AXDND1: variants seen among roughly 807,000 people sequenced by gnomAD.
AXDND1 encodes axonemal dynein light chain domain-containing protein 1.
A neutral mutation model predicts 137.5 loss-of-function variants in AXDND1; 110 were observed. The ratio of observed to expected loss-of-function variants is 0.80; its 90% CI spans 0.69 to 0.94. AXDND1 has a LOEUF of 0.94. Among genes scored for constraint, AXDND1 ranks in the 40% least tolerant of loss-of-function variants. The pLI, the probability that AXDND1 is intolerant of heterozygous loss-of-function variation, is 0.00. For missense variants in AXDND1, 1,191 were observed against 1,169.8 expected (o/e 1.02, Z -0.26); for synonymous variants, 414 against 399.7 (o/e 1.04, Z -0.43).
chr1:179,395,487 T>C (rs546408476), intron 11 of AXDND1, among the ~76,000 whole-genome samples: 13 of 152,290 alleles, frequency 8.5e-5, no homozygotes, highest in Non-Finnish European at 2.9e-5. Context: ...AAAGAAACAG[T>C]GAGCATAGAT....
At chr1:179,506,362 CA>C (rs1268486903) in intron 20 of AXDND1, among the ~76,000 whole-genome samples, 1 of 152,100 alleles carries the variant, frequency 6.6e-6, no homozygotes, top group Non-Finnish European at 1.5e-5. Context: ...GGAAATATAC[CA>C]AATAAATACC....
At chr1:179,487,912 C>G (rs566224795) in intron 18 of AXDND1, among the ~76,000 whole-genome samples, 1 of 142,676 alleles carries the variant, frequency 7.0e-6, no homozygotes, top group South Asian at 2.1e-4. Flanking sequence ...GAGAGGATCT[C>G]TTGTGCCTGG....
At chr1:179,540,621 G>T (rs1316992676) in intron 25 of AXDND1, among the ~76,000 whole-genome samples, 1 of 152,194 alleles carries the variant, frequency 6.6e-6, no homozygotes, top group African/African-American at 2.4e-5. Context: ...TGTATGAGGT[G>T]TCTGTCGGCC....
intron 16 of AXDND1, among the ~76,000 whole-genome samples, chr1:179,460,491 A>G (rs557138980): frequency 3.6e-4 from 55 of 152,282 alleles, no homozygotes; most frequent in African/African-American, 1.0e-3. Context: ...GCTATTGTGA[A>G]TAGTGCCACA....
chr1:179,495,439 G>A (rs1194561322), intron 20 of AXDND1, among the ~76,000 whole-genome samples: 1 of 151,842 alleles, frequency 6.6e-6, no homozygotes, highest in East Asian at 1.9e-4. Context: ...TCATATTTTG[G>A]TGCTACTATA....
intron 12 of AXDND1, among the ~76,000 whole-genome samples, chr1:179,426,037 A>G (rs557151670): frequency 5.9e-5 from 9 of 152,068 alleles, no homozygotes; most frequent in African/African-American, 2.2e-4. Flanking sequence ...GGGTTTTACC[A>G]TGTTGGTCAG....
chr1:179,380,140 T>G (rs1434453903), intron 6 of AXDND1, among the ~76,000 whole-genome samples: 1 of 151,756 alleles, frequency 6.6e-6, no homozygotes, highest in African/African-American at 2.4e-5. Context: ...TCCCAGCTGC[T>G]TGGGAGGCTG....
chr1:179,521,918 TTC>T (rs1476512051), intron 21 of AXDND1, among the ~76,000 whole-genome samples: 2 of 152,136 alleles, frequency 1.3e-5, no homozygotes, highest in East Asian at 3.8e-4. Flanking sequence ...AATTCATCTC[TTC>T]TCTCTATTTT....
chr1:179,456,524 C>A, intron 16 of AXDND1: 1 of 774,754 alleles, frequency 1.3e-6, no homozygotes, highest in African/African-American at 1.7e-5. Flanking sequence ...TTCCATAACC[C>A]TGTCCAACAC....
intron 16 of AXDND1, among the ~76,000 whole-genome samples, chr1:179,457,569 A>T (rs1558207825): frequency 6.6e-6 from 1 of 152,230 alleles, no homozygotes. Flanking sequence ...AAATCTCACA[A>T]GACATTATTA....
At position 179,552,225 on chromosome 1, in the gene AXDND1, G is replaced by A. The variant is rs1294075077; in HGVS notation, c.3032-2287G>A. 4 of 271,072 alleles carry A rather than the reference G, an allele frequency of 1.5e-5. No individual in the cohort carries two copies. In the East Asian group the frequency reaches 3.5e-4, roughly 23 times the overall value. The allele number at this position is 271,072 out of a possible 1,614,324, so 16.8% of individuals were successfully genotyped here. ...GATCGTGGTTGTCCCTCTAAAACTT[G>A]TGCCAAGCTTGGGATACAGTTCTAG... On this transcript the variant is annotated intron_variant, in intron 25 of 25. Coordinates refer to ENST00000367618, the MANE Select transcript of AXDND1 (RefSeq NM_144696.6).
chr1:179,460,795 T>C (rs1662209739), intron 16 of AXDND1, among the ~76,000 whole-genome samples: 1 of 152,246 alleles, frequency 6.6e-6, no homozygotes, highest in African/African-American at 2.4e-5. Flanking sequence ...ATTTCTCTGA[T>C]GACCACTGAT....
intron 17 of AXDND1, among the ~76,000 whole-genome samples, chr1:179,473,225 TC>T (rs1664178726): frequency 6.6e-6 from 1 of 152,032 alleles, no homozygotes; most frequent in East Asian, 1.9e-4. Context: ...AGAATTAGCT[TC>T]AGGTCATGCC....
chr1:179,522,859 A>G (rs1450887786), intron 21 of AXDND1, among the ~76,000 whole-genome samples: 2 of 148,018 alleles, frequency 1.4e-5, no homozygotes, highest in South Asian at 2.2e-4. Flanking sequence ...CTATTTTTCT[A>G]TACTGTACAC....
intron 16 of AXDND1, chr1:179,455,593 C>CAAAAAAAAAAAAAAA (rs57868830): frequency 1.2e-5 from 1 of 83,880 alleles, no homozygotes; most frequent in Non-Finnish European, 2.4e-5. Flanking sequence ...GACTCCGTCT[C>CAAAAAAAAAAAAAAA]AAAAAAAAAA....
chr1:179,447,594 T>TA, intron 16 of AXDND1: 1 of 1,094,052 alleles, frequency 9.1e-7, no homozygotes, highest in Non-Finnish European at 1.3e-6. Flanking sequence ...AGGTTCAACT[T>TA]ACTAGTGGAG....
At chr1:179,442,759 G>C (rs1659172724) in intron 15 of AXDND1, among the ~76,000 whole-genome samples, 1 of 152,128 alleles carries the variant, frequency 6.6e-6, no homozygotes, top group Non-Finnish European at 1.5e-5. Flanking sequence ...TAGTTCCTCT[G>C]TTCCAGCAGA....
At chr1:179,388,648 C>G (rs1047987234) in intron 9 of AXDND1, among the ~76,000 whole-genome samples, 32 of 151,916 alleles carry the variant, frequency 2.1e-4, no homozygotes, top group African/African-American at 7.5e-4. Flanking sequence ...AGTGCAGTGG[C>G]ACGATCTTGG....
chr1:179,468,092 T>C (rs1031964564), intron 16 of AXDND1, among the ~76,000 whole-genome samples: 21 of 152,150 alleles, frequency 1.4e-4, no homozygotes, highest in African/African-American at 4.8e-4. Context: ...ATTATTATCA[T>C]TGTCCTCTTA....
Sources: allele counts gnomAD v4.1 joint callset (sites outside exome capture counted in the v4.1 genomes callset), GRCh38; gene constraint gnomAD v4.1.1; transcripts MANE v1.5; gene names NCBI Gene and HGNC (gene_info 2026-07-23, HGNC 2026-07-21).